The following CLYBL variants were observed in gnomAD, a reference collection of about 807,000 sequenced individuals.
CLYBL encodes citramalyl-CoA lyase.
CLYBL carries 31 observed loss-of-function variants against 38.9 expected under a neutral mutation model. That is an observed-to-expected ratio of 0.80 (90% CI 0.60 to 1.08). CLYBL has a LOEUF of 1.08. CLYBL is among the 50% of genes least tolerant of loss of function. CLYBL has a pLI of 0.00. For missense variants in CLYBL, 434 were observed against 411.6 expected (o/e 1.05, Z -0.47); for synonymous variants, 171 against 158.6 (o/e 1.08, Z -0.59).
intron 2 of CLYBL, chr13:99,783,828 T>C (rs1419050687): frequency 6.6e-6 from 1 of 152,088 alleles, no homozygotes; most frequent in Non-Finnish European, 1.5e-5. Context: ...CAATCATGGA[T>C]TATTATGTCA....
rs568358297 is a variant in CLYBL, at chr13:99,853,571, A to G, written c.250-5290A>G. ...TTCTTTTTCATGTGGAAAAAATAAC[A>G]GGATAGAAAACTCAACACTCACCTT... is the stretch of plus-strand genomic sequence containing the variant. On this transcript the variant is annotated intron_variant, in intron 2 of 8. Coordinates refer to ENST00000339105, the MANE Select transcript of CLYBL (RefSeq NM_206808.5). Among the ~76,000 whole-genome samples the G allele has an allele frequency of 7.9e-5, 12 of 152,332 alleles. No individual in the cohort carries two copies. The East Asian group carries it at 2.3e-3, about 29-fold the overall frequency.
intron 1 of CLYBL, among the ~76,000 whole-genome samples, chr13:99,678,035 T>G (rs891714941): frequency 6.6e-6 from 1 of 152,214 alleles, no homozygotes. Context: ...ATGTGGAACT[T>G]AATTCACTTA....
rs554302485 is a variant in CLYBL at position 99,761,485 on chromosome 13, A to C, written c.63-11339A>C. On this transcript the variant is annotated intron_variant, in intron 1 of 8. Coordinates refer to ENST00000339105, the MANE Select transcript of CLYBL (RefSeq NM_206808.5). ...AACGTAATGACCTCCAGTACAATCC[A>C]TGTTGCTGCAAATGACAGGATTTCA... Among the ~76,000 whole-genome samples, 7 of 152,214 alleles carry C rather than the reference A, an allele frequency of 4.6e-5. No individual in the cohort carries two copies. In the South Asian group the frequency reaches 1.4e-3, roughly 32 times the overall value.
At chr13:99,828,014 A>T (rs1200713255) in intron 2 of CLYBL, among the ~76,000 whole-genome samples, 1 of 152,192 alleles carries the variant, frequency 6.6e-6, no homozygotes. Context: ...CACAGGGAAG[A>T]GTTGAAATGC....
intron 2 of CLYBL, among the ~76,000 whole-genome samples, chr13:99,789,848 T>A (rs1011900094): frequency 1.3e-5 from 2 of 152,204 alleles, no homozygotes; most frequent in African/African-American, 2.4e-5. Context: ...TCTTTGTAGA[T>A]CTCTAAGGAC....
At chr13:99,892,105 T>C (rs888741795) in intron 8 of CLYBL, 3 of 152,146 alleles carry the variant, frequency 2.0e-5, no homozygotes, top group Admixed American at 6.6e-5. Flanking sequence ...AATTAAAAAA[T>C]AAATGTGCAG....
chr13:99,904,683 T>C lies in CLYBL; in HGVS notation c.*25-587T>C, dbSNP rs563549531. Among the ~76,000 whole-genome samples the C allele has an allele frequency of 8.1e-4, 124 of 152,340 alleles. 1 individual carries two copies. Among genetic ancestry groups the C allele is most frequent in the African/African-American group, 2.9e-3 (121 of 41,570 alleles). On this transcript the variant is annotated intron_variant and NMD_transcript_variant, in intron 8 of 9. Coordinates refer to the CLYBL transcript ENST00000689673. ...AAACTAATATTCCATAATTTAATTT[T>C]TCTCATATATACTTAAAGCATATAA...
chr13:99,641,804 T>C (rs2047099194), intron 1 of CLYBL, among the ~76,000 whole-genome samples: 1 of 151,658 alleles, frequency 6.6e-6, no homozygotes, highest in East Asian at 1.9e-4. Flanking sequence ...AGAGCGAGAC[T>C]CCATCTTTAA....
At chr13:99,754,852 A>G (rs2049030447) in intron 1 of CLYBL, among the ~76,000 whole-genome samples, 2 of 146,938 alleles carry the variant, frequency 1.4e-5, no homozygotes, top group Non-Finnish European at 3.0e-5. Context: ...TCAGCCTTCC[A>G]AAGTGCTGGA....
At chr13:99,783,836 T>A (rs2138852025) in intron 2 of CLYBL, 1 of 151,814 alleles carries the variant, frequency 6.6e-6, no homozygotes, top group Admixed American at 6.6e-5. Flanking sequence ...GATTATTATG[T>A]CATGATTATG....
chr13:99,854,852 T>C (rs1309876704), intron 2 of CLYBL, among the ~76,000 whole-genome samples: 1 of 152,192 alleles, frequency 6.6e-6, no homozygotes, highest in Admixed American at 6.5e-5. Context: ...CCTTGGTTCC[T>C]GGCCCAGACA....
Position 99,771,830 on chromosome 13 carries a change from G to T in CLYBL, c.63-994G>T, listed in dbSNP as rs9554636. ...GCTACACCCACGACCATTTCAAGTA[G>T]CTAAAATATCTGCCAGGCTCTGGCT... On this transcript the variant is annotated intron_variant, in intron 1 of 8. Coordinates refer to ENST00000339105, the MANE Select transcript of CLYBL (RefSeq NM_206808.5). 2.0e-5 allele frequency among the ~76,000 whole-genome samples: 3 copies of T among 152,074 alleles called. No individual in the cohort carries two copies. In the East Asian group the frequency reaches 5.8e-4, roughly 29 times the overall value.
At chr13:99,740,424 T>C (rs940161089) in intron 1 of CLYBL, among the ~76,000 whole-genome samples, 2 of 152,182 alleles carry the variant, frequency 1.3e-5, no homozygotes, top group African/African-American at 4.8e-5. Flanking sequence ...TTGGATACAG[T>C]GAGTCTCAAG....
In CLYBL at chr13:99,863,111, G is replaced by A. The variant is rs767355613; in HGVS notation, c.540+19G>A. The A allele has an allele frequency of 1.8e-5, 24 of 1,331,486 alleles. No individual in the cohort carries two copies. The Admixed American group carries it at 2.8e-4, about 16-fold the overall frequency. 82.5% of individuals were successfully genotyped at this position (1,331,486 alleles called of 1,614,324 possible). A position where few individuals can be genotyped will look rare whatever the true frequency, so the allele number is the denominator to read the frequency against. ...TTTTAAGGTAAGGAAGCCATAATAC[G>A]GTTAATAAGTTAGCATTTTATTTAT... On this transcript the variant is annotated intron_variant, in intron 4 of 8. Coordinates refer to ENST00000339105, the MANE Select transcript of CLYBL (RefSeq NM_206808.5).
chr13:99,774,157 C>T (rs1039151306), intron 2 of CLYBL, among the ~76,000 whole-genome samples: 2 of 151,972 alleles, frequency 1.3e-5, no homozygotes, highest in Non-Finnish European at 1.5e-5. Context: ...CACGTGAGCC[C>T]GAGAGTTTGA....
chr13:99,820,861 T>C (rs1404706563), intron 2 of CLYBL, among the ~76,000 whole-genome samples: 2 of 152,192 alleles, frequency 1.3e-5, no homozygotes, highest in African/African-American at 4.8e-5. Context: ...TGTTATTAAG[T>C]GAAAATGTCT....
chr13:99,901,639 TTTTTTG>T (rs1285394221), downstream of CLYBL, among the ~76,000 whole-genome samples: 76 of 67,144 alleles, frequency 1.1e-3, 1 homozygote, highest in African/African-American at 2.8e-3. Context: ...TTTTTTGGAT[TTTTTTG>T]TTTTTTTTTT....
At chr13:99,819,052 A>G (rs2050519013) in intron 2 of CLYBL, among the ~76,000 whole-genome samples, 1 of 152,086 alleles carries the variant, frequency 6.6e-6, no homozygotes, top group Admixed American at 6.6e-5. Context: ...TTTAAATTAC[A>G]CAAATTTAAT....
chr13:99,708,588 T>C (rs189440489), intron 1 of CLYBL, among the ~76,000 whole-genome samples: 1 of 152,314 alleles, frequency 6.6e-6, no homozygotes, highest in Non-Finnish European at 1.5e-5. Context: ...CCTCATTTCT[T>C]CATTTATAAA....
Sources: allele counts gnomAD v4.1 joint callset (sites outside exome capture counted in the v4.1 genomes callset), GRCh38; gene constraint gnomAD v4.1.1; transcripts MANE v1.5; gene names NCBI Gene and HGNC (gene_info 2026-07-23, HGNC 2026-07-21).